EIF4H: variants seen among roughly 807,000 people sequenced by gnomAD.
EIF4H encodes the protein eukaryotic translation initiation factor 4H.
Under a neutral mutation model 30.6 loss-of-function variants are expected in EIF4H, and 8 were observed. The observed-to-expected ratio is 0.26, with a 90% CI of 0.15 to 0.47. The LOEUF (loss-of-function observed/expected upper bound fraction) is 0.47, where lower values mean the gene tolerates loss of function less well. Among genes scored for constraint, EIF4H ranks in the 20% least tolerant of loss-of-function variants. The pLI is 0.99. For synonymous variants in EIF4H, 106 were observed against 122.7 expected (o/e 0.86, Z 0.90); for missense variants, 188 against 339.5 (o/e 0.55, Z 3.51).
At chr7:74,181,820 C>G (rs564639603) in intron 1 of EIF4H, among the ~76,000 whole-genome samples, 1 of 148,508 alleles carries the variant, frequency 6.7e-6, no homozygotes, top group Non-Finnish European at 1.5e-5. Context: ...CTGCAGCCTC[C>G]GCCACCACCC....
chr7:74,190,180 A>G, intron 4 of EIF4H, 67 bp from the exon 5 acceptor site: 2 of 1,522,190 alleles, frequency 1.3e-6, no homozygotes, highest in East Asian at 2.3e-5. Flanking sequence ...TTCCAAATGA[A>G]TTTTTCCATG....
At position 74,191,106 on chromosome 7, in the gene EIF4H, C is replaced by T. The variant is rs550754666; in HGVS notation, c.469+800C>T. 1.4e-4 allele frequency: 75 copies of T among 517,456 alleles called. No homozygotes were observed. The Middle Eastern group carries it at 2.7e-3, about 18-fold the overall frequency. 32.1% of individuals were successfully genotyped at this position (517,456 alleles called of 1,614,324 possible). A position where few individuals can be genotyped will look rare whatever the true frequency, so the allele number is the denominator to read the frequency against. The stretch of plus-strand genomic sequence containing the variant: ...GGTGAGTATGGGAGGGACTGGTGCA[C>T]GCTGTCTTGTGAGTCTGAGATTTTT... On this transcript the variant is annotated intron_variant, in intron 5 of 6. Transcript: ENST00000265753.
At chr7:74,193,249 T>G (rs1801265319) in intron 5 of EIF4H, among the ~76,000 whole-genome samples, 1 of 152,194 alleles carries the variant, frequency 6.6e-6, no homozygotes, top group Admixed American at 6.5e-5. Flanking sequence ...CACCCGACAC[T>G]CATCGTGAAA....
At chr7:74,186,614 C>T (rs113462957) in intron 1 of EIF4H, among the ~76,000 whole-genome samples, 10 of 152,038 alleles carry the variant, frequency 6.6e-5, no homozygotes, top group Non-Finnish European at 1.3e-4. Context: ...ACGCTTGATA[C>T]AGCTGAGGAG....
rs1221560955 is a variant in EIF4H at position 74,197,075 on chromosome 7, TAAAAG to T, written c.*1772_*1776del. 2.0e-5 allele frequency: 3 copies of T among 152,594 alleles called. No individual in the cohort carries two copies. The highest frequency in any genetic ancestry group is 2.9e-5 in the Non-Finnish European group (2 of 68,026). The allele number at this position is 152,594 out of a possible 1,614,324, so 9.5% of individuals were successfully genotyped here. A position where few individuals can be genotyped will look rare whatever the true frequency, so the allele number is the denominator to read the frequency against. ...GGTATTTTGTGAATGATCTTTTAAA[TAAAAG>T]AAAACCTTACGTAATATTTAATGCT... On this transcript the variant is annotated 3_prime_UTR_variant, in exon 7 of 7. Coordinates refer to ENST00000265753, the MANE Select transcript of EIF4H (RefSeq NM_022170.2).
Position 74,174,442 on chromosome 7 carries a change from G to T in EIF4H, c.59G>T (p.Gly20Val). The T allele has an allele frequency of 3.5e-6, 5 of 1,437,268 alleles. No individual in the cohort carries two copies. Among genetic ancestry groups the T allele is most frequent in the Non-Finnish European group, 4.6e-6 (5 of 1,080,434 alleles). 89.0% of individuals were successfully genotyped at this position (1,437,268 alleles called of 1,614,324 possible). ...RAYSSFGGGRGSRGSAGGHGS... is the reference protein window; with the variant it reads ...RAYSSFGGGRVSRGSAGGHGS... ...TACAGCAGCTTCGGCGGCGGCAGAG[G>T]GTGAGGCGGGCGTGCGCGGGCCCCG... is the stretch of plus-strand genomic sequence containing the variant. The change falls in exon 1 of 7, where the codon GGG becomes GTG. Residue 20 changes from glycine to valine, a missense_variant and splice_region_variant. Transcript: ENST00000265753.
At chr7:74,174,561 C>A in intron 1 of EIF4H, 119 bp downstream of exon 1, 1 of 981,410 alleles carries the variant, frequency 1.0e-6, no homozygotes, top group Non-Finnish European at 1.3e-6. Flanking sequence ...CCGCGGAGGC[C>A]TAGGAGCGGC....
chr7:74,187,891 C>T lies in EIF4H; in HGVS notation c.247+93C>T, dbSNP rs1159425329. ...TAAAAATAGATTTGTGAACCAGAGGCTGTAATCAAGAAAGTGTTTTAAACA... is the reference window on the plus strand; with the variant it reads ...TAAAAATAGATTTGTGAACCAGAGGTTGTAATCAAGAAAGTGTTTTAAACA... On this transcript the variant is annotated intron_variant, in intron 2 of 6. Transcript: ENST00000265753. 2.2e-6 allele frequency: 3 copies of T among 1,369,612 alleles called. No homozygotes were observed. In the East Asian group the frequency reaches 7.4e-5, roughly 34 times the overall value. The allele number at this position is 1,369,612 out of a possible 1,614,324, so 84.8% of individuals were successfully genotyped here.
In EIF4H at chr7:74,189,657, T is replaced by G. The variant is rs1299604140; in HGVS notation, c.248-16T>G. 4.3e-6 allele frequency: 7 copies of G among 1,612,594 alleles called. No individual in the cohort carries two copies. Among genetic ancestry groups the G allele is most frequent in the Non-Finnish European group, 5.1e-6 (6 of 1,179,810 alleles). ...AGAATTACTTGAGGAAATCGGGGTC[T>G]TCTTTTCTTTTCCAGGATTCTGCTA... On this transcript the variant is annotated splice_polypyrimidine_tract_variant and intron_variant, in intron 2 of 6. Transcript: ENST00000265753.
At position 74,192,668 on chromosome 7, in the gene EIF4H, C is replaced by CTTTTTTTT. The variant is rs1297031468; in HGVS notation, c.470-2068_470-2061dup. Among the ~76,000 whole-genome samples the CTTTTTTTT allele has an allele frequency of 4.3e-5, 4 of 93,186 alleles. 1 individual carries two copies. The highest frequency in any genetic ancestry group is 5.8e-5 in the Non-Finnish European group (3 of 51,638). 61.1% of individuals were successfully genotyped at this position (93,186 alleles called of 152,430 possible). On this transcript the variant is annotated intron_variant, in intron 5 of 6. Transcript: ENST00000265753. ...TCATACCTAACATTGCTTTATGTGA[C>CTTTTTTTT]TTTTTTTTTTTTCTTTTTTTTTTTT... is the stretch of plus-strand genomic sequence containing the variant.
At chr7:74,192,668 CTTTTTTTTTTTTCTTT>C (rs1801248159) in intron 5 of EIF4H, among the ~76,000 whole-genome samples, 1 of 93,186 alleles carries the variant, frequency 1.1e-5, no homozygotes, top group African/African-American at 4.5e-5. Flanking sequence ...CTTTATGTGA[CTTTTTTTTTTTTCTTT>C]TTTTTTTTTT....
chr7:74,180,299 A>G (rs1205878972), intron 1 of EIF4H, among the ~76,000 whole-genome samples: 1 of 152,270 alleles, frequency 6.6e-6, no homozygotes, highest in African/African-American at 2.4e-5. Context: ...AGTTTGTTCT[A>G]TAGAAAGAAC....
chr7:74,190,721 A>G (rs1343227334), intron 5 of EIF4H, among the ~76,000 whole-genome samples: 3 of 151,196 alleles, frequency 2.0e-5, no homozygotes, highest in African/African-American at 7.3e-5. Context: ...TTTTTCTTGG[A>G]GGATTGTGGG....
At chr7:74,194,461 A>G (rs568309731) in intron 5 of EIF4H, among the ~76,000 whole-genome samples, 8 of 152,138 alleles carry the variant, frequency 5.3e-5, no homozygotes, top group Non-Finnish European at 8.8e-5. Context: ...TGGTATTAAT[A>G]TTTTTCTACT....
chr7:74,179,649 G>C (rs199916733), intron 1 of EIF4H, among the ~76,000 whole-genome samples: 1 of 71,740 alleles, frequency 1.4e-5, no homozygotes, highest in Non-Finnish European at 3.3e-5. Context: ...AAAAAAAAAA[G>C]TCACTTTATC....
At chr7:74,191,138 T>A in intron 5 of EIF4H, 1 of 530,336 alleles carries the variant, frequency 1.9e-6, no homozygotes, top group Non-Finnish European at 3.9e-6. Context: ...TTTTAAAAAC[T>A]CAGCTTTGGC....
At chr7:74,190,014 T>G in intron 4 of EIF4H, 96 bp downstream of exon 4, 1 of 1,348,558 alleles carries the variant, frequency 7.4e-7, no homozygotes, top group Non-Finnish European at 1.0e-6. Flanking sequence ...GATTATCTCA[T>G]AGGTGTGATA....
In EIF4H at chr7:74,187,158, G is replaced by A. The variant is rs1801103140; in HGVS notation, c.60-453G>A. Among the ~76,000 whole-genome samples the A allele has an allele frequency of 2.0e-5, 3 of 152,084 alleles. No individual in the cohort carries two copies. The South Asian group carries it at 6.2e-4, about 32-fold the overall frequency. ...GGTGTGTTACGTTTGGGCTGGGCATGGTGGCTCACACCTGTAATCCCAGCA... is the reference window on the plus strand; with the variant it reads ...GGTGTGTTACGTTTGGGCTGGGCATAGTGGCTCACACCTGTAATCCCAGCA... On this transcript the variant is annotated intron_variant, in intron 1 of 6. Transcript: ENST00000265753.
intron 5 of EIF4H, among the ~76,000 whole-genome samples, chr7:74,193,263 C>T (rs1801265780): frequency 6.6e-6 from 1 of 152,214 alleles, no homozygotes; most frequent in South Asian, 2.1e-4. Flanking sequence ...CGTGAAAAGA[C>T]TTGACAGCTA....
Sources: gnomAD v4.1 joint callset for allele counts (sites outside exome capture counted in the v4.1 genomes callset) on GRCh38, gnomAD v4.1.1 for gene constraint, MANE v1.5 for transcripts, NCBI Gene and HGNC (gene_info 2026-07-23, HGNC 2026-07-21) for gene names.